The following LPP variants were observed in gnomAD, a reference collection of about 807,000 sequenced individuals.
LPP encodes the protein lipoma-preferred partner.
LPP carries 38 observed loss-of-function variants against 60.4 expected under a neutral mutation model. That is an observed-to-expected ratio of 0.63 (90% CI 0.49 to 0.83). The LOEUF (loss-of-function observed/expected upper bound fraction) is 0.83. Among genes scored for constraint, LPP ranks in the 40% least tolerant of loss-of-function variants. The pLI is 0.00. For synonymous variants in LPP, 328 were observed against 290.8 expected (o/e 1.13, Z -1.30); for missense variants, 902 against 783.6 (o/e 1.15, Z -1.80).
intron 2 of LPP, among the ~76,000 whole-genome samples, chr3:188,334,422 CTTTTT>C (rs71167095): frequency 1.0e-5 from 1 of 98,676 alleles, no homozygotes; most frequent in Non-Finnish European, 1.9e-5. Context: ...ATATTTCTTT[CTTTTT>C]TTTTTTTTTT....
chr3:188,816,604 A>G (rs1459304967), intron 9 of LPP, among the ~76,000 whole-genome samples: 2 of 152,146 alleles, frequency 1.3e-5, no homozygotes, highest in Admixed American at 6.5e-5. Flanking sequence ...TTACATGTAC[A>G]TGTATTGAGT....
At chr3:188,154,810 T>C (rs1009367753) in intron 1 of LPP, among the ~76,000 whole-genome samples, 4 of 152,194 alleles carry the variant, frequency 2.6e-5, no homozygotes, top group African/African-American at 9.7e-5. Context: ...AGGAACTCAG[T>C]TGAACCTGGG....
At chr3:188,577,243 T>C (rs1451180578) in intron 6 of LPP, among the ~76,000 whole-genome samples, 1 of 152,194 alleles carries the variant, frequency 6.6e-6, no homozygotes, top group Admixed American at 6.6e-5. Context: ...AAAATCCTAA[T>C]TCTGTTATTT....
rs767554757 is a variant in LPP, at chr3:188,331,607, T to C, written c.-66-10056T>C. ...TCTGCCTCCTTTCCTCCTTTAGACC[T>C]TCTCTTGCTACTTACATCCCATAGA... On this transcript the variant is annotated intron_variant, in intron 2 of 11. Coordinates refer to ENST00000617246, the MANE Select transcript of LPP (RefSeq NM_001375462.1). Among the ~76,000 whole-genome samples the C allele has an allele frequency of 1.4e-4, 21 of 152,192 alleles. 1 individual carries two copies. The highest frequency in any genetic ancestry group is 5.2e-4 in the Admixed American group (8 of 15,286).
intron 9 of LPP, among the ~76,000 whole-genome samples, chr3:188,811,891 A>G (rs1359644939): frequency 6.6e-6 from 1 of 152,186 alleles, no homozygotes; most frequent in Non-Finnish European, 1.5e-5. Flanking sequence ...GGGGTACATA[A>G]GATGTTTTGA....
chr3:188,402,486 G>A (rs1453414888), intron 3 of LPP, among the ~76,000 whole-genome samples: 1 of 152,186 alleles, frequency 6.6e-6, no homozygotes, highest in Admixed American at 6.5e-5. Flanking sequence ...GGGCACTGCA[G>A]CTGTAACTAG....
At chr3:188,321,706 C>T (rs938146373) in intron 2 of LPP, among the ~76,000 whole-genome samples, 3 of 152,148 alleles carry the variant, frequency 2.0e-5, no homozygotes, top group Non-Finnish European at 4.4e-5. Context: ...AGCCTTTGAG[C>T]TCTTTGAAAA....
chr3:188,197,881 T>G (rs933819912), intron 1 of LPP, among the ~76,000 whole-genome samples: 2 of 152,210 alleles, frequency 1.3e-5, no homozygotes, highest in Non-Finnish European at 2.9e-5. Flanking sequence ...TAGGCGTGCA[T>G]ATCGAAAAGC....
chr3:188,503,733 T>C (rs973394715), intron 5 of LPP, among the ~76,000 whole-genome samples: 1 of 152,132 alleles, frequency 6.6e-6, no homozygotes, highest in Non-Finnish European at 1.5e-5. Flanking sequence ...GATAATTTTT[T>C]TTCCTTTTAG....
chr3:188,274,773 G>T (rs1386333535), intron 2 of LPP, among the ~76,000 whole-genome samples: 7 of 152,228 alleles, frequency 4.6e-5, no homozygotes, highest in Admixed American at 2.6e-4. Context: ...CAGGCCGCAA[G>T]AATTCCTGAT....
At chr3:188,753,580 CGTGTGT>C (rs141731350) in intron 8 of LPP, among the ~76,000 whole-genome samples, 167 of 139,622 alleles carry the variant, frequency 1.2e-3, no homozygotes, top group East Asian at 3.4e-3. Flanking sequence ...TTGTTGTGTG[CGTGTGT>C]GTGTGTGTGT....
At position 188,884,728 on chromosome 3, in the gene LPP, C is replaced by G. The variant is rs1029393028; in HGVS notation, c.*10249C>G. 8.8e-6 allele frequency: 2 copies of G among 226,630 alleles called. No individual in the cohort carries two copies. Among genetic ancestry groups the G allele is most frequent in the Non-Finnish European group, 1.8e-5 (2 of 113,972 alleles). 14.0% of individuals were successfully genotyped at this position (226,630 alleles called of 1,614,324 possible). Reference sequence around the variant, plus strand: ...AAAGAAGCCTCTCTCCCATGAACCACGATGTACGTTCCACAGAGGCAGAAA... The same window carrying G: ...AAAGAAGCCTCTCTCCCATGAACCAGGATGTACGTTCCACAGAGGCAGAAA... On this transcript the variant is annotated 3_prime_UTR_variant, in exon 12 of 12. Coordinates refer to ENST00000617246, the MANE Select transcript of LPP (RefSeq NM_001375462.1).
intron 8 of LPP, among the ~76,000 whole-genome samples, chr3:188,739,703 T>C (rs1342562670): frequency 6.6e-6 from 1 of 152,038 alleles, no homozygotes; most frequent in African/African-American, 2.4e-5. Context: ...AAGCTAACTC[T>C]GCATGGATAT....
intron 4 of LPP, among the ~76,000 whole-genome samples, chr3:188,415,972 T>C (rs190465050): frequency 1.3e-5 from 2 of 152,098 alleles, no homozygotes; most frequent in Non-Finnish European, 2.9e-5. Context: ...TAGTTAACAA[T>C]AAGGTAACAA....
intron 6 of LPP, among the ~76,000 whole-genome samples, chr3:188,548,186 A>G (rs1827167560): frequency 6.6e-6 from 1 of 152,210 alleles, no homozygotes; most frequent in Admixed American, 6.5e-5. Flanking sequence ...TGGTAGATGG[A>G]GCATGTGAAT....
intron 8 of LPP, among the ~76,000 whole-genome samples, chr3:188,733,356 T>C (rs745375763): frequency 2.0e-5 from 3 of 152,032 alleles, no homozygotes; most frequent in Non-Finnish European, 4.4e-5. Context: ...TAGTATGCTT[T>C]AGTTAAAATA....
Position 188,874,843 on chromosome 3 carries a change from G to T in LPP, c.*364G>T. On this transcript the variant is annotated 3_prime_UTR_variant, in exon 12 of 12. Coordinates refer to ENST00000617246, the MANE Select transcript of LPP (RefSeq NM_001375462.1). ...TATTTGCTGTCACATAGTTTTTCCTGGGTGAGTCTGCCAACTCACAGGTGC... is the reference window on the plus strand; with the variant it reads ...TATTTGCTGTCACATAGTTTTTCCTTGGTGAGTCTGCCAACTCACAGGTGC... 1 of 245,032 alleles carries T rather than the reference G, an allele frequency of 4.1e-6. No individual in the cohort carries two copies. The highest frequency in any genetic ancestry group is 5.2e-5 in the Admixed American group (1 of 19,390). 15.2% of individuals were successfully genotyped at this position (245,032 alleles called of 1,614,324 possible).
chr3:188,750,323 T>C (rs1727657409), intron 8 of LPP, among the ~76,000 whole-genome samples: 1 of 152,188 alleles, frequency 6.6e-6, no homozygotes, highest in African/African-American at 2.4e-5. Context: ...AAATACTCAT[T>C]CCTTTGCATA....
intron 4 of LPP, among the ~76,000 whole-genome samples, chr3:188,442,365 C>T (rs1794218409): frequency 6.6e-6 from 1 of 152,136 alleles, no homozygotes; most frequent in African/African-American, 2.4e-5. Flanking sequence ...TGAGTGAGAA[C>T]ATGCGGTCAA....
Sources: gnomAD v4.1 joint callset for allele counts (sites outside exome capture counted in the v4.1 genomes callset) on GRCh38, gnomAD v4.1.1 for gene constraint, MANE v1.5 for transcripts, NCBI Gene and HGNC (gene_info 2026-07-23, HGNC 2026-07-21) for gene names.